ABL1: variants seen among roughly 807,000 people sequenced by gnomAD.
ABL1 encodes the protein tyrosine-protein kinase ABL1.
ABL1 carries 11 observed loss-of-function variants against 94.7 expected under a neutral mutation model. The observed-to-expected ratio is 0.12, with a 90% CI of 0.07 to 0.19. The LOEUF (loss-of-function observed/expected upper bound fraction) is 0.19. Ranked by LOEUF, ABL1 falls within the 10% of genes least tolerant of loss-of-function variation. ABL1 has a pLI of 1.00. For missense variants in ABL1, 1,082 were observed against 1,489.4 expected (o/e 0.73, Z 4.50); for synonymous variants, 656 against 622.4 (o/e 1.05, Z -0.80).
At chr9:130,831,426 T>G (rs930797970), upstream of ABL1, among the ~76,000 whole-genome samples, 2 of 152,156 alleles carry the variant, frequency 1.3e-5, no homozygotes, top group Non-Finnish European at 2.9e-5. Flanking sequence ...AAAAAAAAAT[T>G]CAGTCTCTCT....
intron 1 of ABL1, among the ~76,000 whole-genome samples, chr9:130,785,928 T>TA (rs34333699): frequency 0.21 from 12,168 of 56,964 alleles, 1,191 homozygotes; most frequent in African/African-American, 0.25. Flanking sequence ...GTCTCAAAAC[T>TA]AAAAAAAAAA....
intron 1 of ABL1, among the ~76,000 whole-genome samples, chr9:130,789,212 A>T (rs1232038701): frequency 6.6e-6 from 1 of 152,216 alleles, no homozygotes; most frequent in African/African-American, 2.4e-5. Context: ...GAGAAAATGT[A>T]CGGGGGAGAA....
chr9:130,751,399 T>G (rs1452627583), intron 1 of ABL1, among the ~76,000 whole-genome samples: 1 of 152,102 alleles, frequency 6.6e-6, no homozygotes, highest in Non-Finnish European at 1.5e-5. Context: ...TGCCTTGGCC[T>G]CCCAAAGTGC....
In ABL1 at chr9:130,814,055, G is replaced by T. The variant is rs2132862312; in HGVS notation, c.137-40009G>T. On this transcript the variant is annotated intron_variant, in intron 1 of 10. Transcript: ENST00000372348. This position sits in a 1 kb window ranked among gnomAD's most constrained non-coding sequence, Gnocchi z 4.4. Reference sequence around the variant, plus strand: ...TAATCCCAGCACTTTGGGAGGCTGAGGCGGGCAGATCACAAGGTCAGGAGA... The same window carrying T: ...TAATCCCAGCACTTTGGGAGGCTGATGCGGGCAGATCACAAGGTCAGGAGA... Among the ~76,000 whole-genome samples the T allele has an allele frequency of 6.6e-6, 1 of 152,300 alleles. No homozygotes were observed. The highest frequency in any genetic ancestry group is 1.9e-4 in the East Asian group (1 of 5,184).
At chr9:130,851,726 T>G (rs1830867598) in intron 1 of ABL1, among the ~76,000 whole-genome samples, 1 of 151,762 alleles carries the variant, frequency 6.6e-6, no homozygotes, top group Non-Finnish European at 1.5e-5. Context: ...ATCTGGTAGA[T>G]CCTTCAGTTC....
chr9:130,762,082 G>C (rs530140147), intron 1 of ABL1, among the ~76,000 whole-genome samples: 3 of 151,142 alleles, frequency 2.0e-5, no homozygotes, highest in Admixed American at 6.6e-5. Context: ...GGCGAAGTTT[G>C]TGGGGACCCA....
intron 1 of ABL1, chr9:130,724,747 T>TA (rs34124679): frequency 0.26 from 80,757 of 307,100 alleles, 14,946 homozygotes; most frequent in African/African-American, 0.61. Flanking sequence ...ACCCTGTCTT[T>TA]AAAAAAAAAA....
rs35829966 is a variant in ABL1 at position 130,885,596 on chromosome 9, G to A, written c.3306G>A (p.Ala1102=). The change falls in exon 11 of 11, where the codon GCG becomes GCA. Residue 1102 remains alanine, a synonymous_variant. Coordinates refer to ENST00000318560, the MANE Select transcript of ABL1 (RefSeq NM_005157.6). ...TCCGGGAGCTTCAGATCTGCCCGGC[G>A]ACAGCAGGCAGTGGTCCAGCGGCCA... is the stretch of plus-strand genomic sequence containing the variant. The part of the protein sequence containing the change: ...NNLRELQICP[A]TAGSGPAATQ... 7.9e-5 allele frequency: 128 copies of A among 1,613,786 alleles called. No homozygotes were observed. The African/African-American group carries it at 1.2e-3, about 15-fold the overall frequency.
intron 1 of ABL1, among the ~76,000 whole-genome samples, chr9:130,729,873 C>CCTGTG (rs1414834556): frequency 6.7e-6 from 1 of 149,692 alleles, no homozygotes; most frequent in Non-Finnish European, 1.5e-5. Context: ...GTAGCTGGGA[C>CCTGTG]TACAGGCATG....
At chr9:130,846,105 G>A (rs1451653549) in intron 1 of ABL1, among the ~76,000 whole-genome samples, 2 of 145,326 alleles carry the variant, frequency 1.4e-5, no homozygotes, top group South Asian at 2.1e-4. Flanking sequence ...GTGTGTGTGT[G>A]TGTGCTTGTG....
At chr9:130,790,109 T>C (rs946291567) in intron 1 of ABL1, among the ~76,000 whole-genome samples, 1 of 152,234 alleles carries the variant, frequency 6.6e-6, no homozygotes, top group Non-Finnish European at 1.5e-5. Context: ...TGTCTAAATA[T>C]TTAAAAGTTA....
chr9:130,716,072 C>CTTTTTTTTTTT (rs71389339), intron 1 of ABL1, among the ~76,000 whole-genome samples: 2 of 91,186 alleles, frequency 2.2e-5, no homozygotes, highest in African/African-American at 3.6e-5. Flanking sequence ...GAAAAATGTC[C>CTTTTTTTTTTT]TTTTTTTTTT....
At position 130,872,104 on chromosome 9, in the gene ABL1, C is replaced by G. The variant is rs1442570137; in HGVS notation, c.823-25C>G. ...TGAAAAGCACTTCCTGAAATAATTT[C>G]ACCTTCGTTTTTTTCCTTCTGCAGG... On this transcript the variant is annotated intron_variant, in intron 4 of 10. Coordinates refer to ENST00000318560, the MANE Select transcript of ABL1 (RefSeq NM_005157.6). This position sits in a 1 kb window ranked among gnomAD's most constrained non-coding sequence, Gnocchi z 5.0. 2 of 1,609,124 alleles carry G rather than the reference C, an allele frequency of 1.2e-6. No individual in the cohort carries two copies. Among genetic ancestry groups the G allele is most frequent in the African/African-American group, 1.3e-5 (1 of 74,870 alleles).
At chr9:130,846,093 GTGTGTGTGTGTGTGTGCT>G (rs1328979264) in intron 1 of ABL1, among the ~76,000 whole-genome samples, 3 of 151,668 alleles carry the variant, frequency 2.0e-5, no homozygotes, top group Admixed American at 6.6e-5. Context: ...GTGTGTGTGT[GTGTGTGTGTGTGTGTGCT>G]TGTGTGTGTG....
intron 1 of ABL1, among the ~76,000 whole-genome samples, chr9:130,758,788 A>T (rs115045497): frequency 5.3e-4 from 81 of 152,304 alleles, no homozygotes; most frequent in African/African-American, 1.9e-3. Flanking sequence ...GGGTGTTGTC[A>T]TGGAGAAGAA....
intron 1 of ABL1, among the ~76,000 whole-genome samples, chr9:130,759,963 ATT>A (rs34154339): frequency 0.032 from 2,969 of 92,738 alleles, 55 homozygotes; most frequent in African/African-American, 0.051. Context: ...AGGTAATTTA[ATT>A]TTTTTTTTTT....
At chr9:130,860,812 G>A (rs946954606) in intron 3 of ABL1, among the ~76,000 whole-genome samples, 3 of 152,220 alleles carry the variant, frequency 2.0e-5, no homozygotes, top group African/African-American at 7.2e-5. Context: ...CACCGGCAGT[G>A]AAGTAATCGG....
rs1277318518 is a variant in ABL1, at chr9:130,884,958, G to A, written c.2668G>A (p.Gly890Arg). 3.1e-6 allele frequency: 5 copies of A among 1,611,518 alleles called. No homozygotes were observed. In the South Asian group the frequency reaches 5.5e-5, roughly 18 times the overall value. The change falls in exon 11 of 11, where the codon GGG becomes AGG. Residue 890 changes from glycine to arginine, a missense_variant. Gly to Arg is a moderately radical substitution (Grantham distance 125). Coordinates refer to ENST00000318560, the MANE Select transcript of ABL1 (RefSeq NM_005157.6). This position sits in a 1 kb window ranked among gnomAD's most constrained non-coding sequence, Gnocchi z 5.6. ...HSSESPGRDK[G>R]KLSRLKPAPP... ...CTCTGAGTCGCCAGGGAGGGACAAG[G>A]GGAAATTGTCCAGGCTCAAACCTGC...
intron 1 of ABL1, among the ~76,000 whole-genome samples, chr9:130,819,178 C>T (rs539553659): frequency 1.3e-5 from 2 of 152,140 alleles, no homozygotes; most frequent in South Asian, 4.2e-4. Flanking sequence ...ATAGTGAAAC[C>T]CTGTCTCTAT....
Sources: allele counts gnomAD v4.1 joint callset (sites outside exome capture counted in the v4.1 genomes callset), GRCh38; gene constraint gnomAD v4.1.1; non-coding constraint Gnocchi (gnomAD v3.1); transcripts MANE v1.5; gene names NCBI Gene and HGNC (gene_info 2026-07-23, HGNC 2026-07-21).